The following FUT8 variants were observed in gnomAD, a reference collection of about 807,000 sequenced individuals.
FUT8 encodes fucosyltransferase 8.
FUT8 carries 29 observed loss-of-function variants against 71.3 expected under a neutral mutation model. The observed-to-expected ratio is 0.41, with a 90% CI of 0.30 to 0.55. FUT8 has a LOEUF of 0.55. Among genes scored for constraint, FUT8 ranks in the 20% least tolerant of loss-of-function variants. The pLI, the probability that FUT8 is intolerant of heterozygous loss-of-function variation, is 0.34. For missense variants in FUT8, 544 were observed against 702.1 expected, an observed-to-expected ratio of 0.77 and a Z score of 2.55; for synonymous variants, 254 against 239.3, an observed-to-expected ratio of 1.06 and a Z score of -0.57.
chr14:65,547,299 C>G (rs1161601330), intron 2 of FUT8, among the ~76,000 whole-genome samples: 3 of 151,562 alleles, frequency 2.0e-5, no homozygotes, highest in Admixed American at 6.6e-5. Flanking sequence ...CTTTCAAATA[C>G]TTTTATACCT....
the FUT8 span, among the ~76,000 whole-genome samples, chr14:65,387,478 A>G: frequency 1.3e-5 from 2 of 152,194 alleles, no homozygotes; most frequent in East Asian, 3.9e-4. Context: ...CTCAAGAGGA[A>G]GCCCCTGCAC....
chr14:65,387,858 A>G, the FUT8 span, among the ~76,000 whole-genome samples: 1 of 152,222 alleles, frequency 6.6e-6, no homozygotes, highest in African/African-American at 2.4e-5. Flanking sequence ...AATCAGGCCC[A>G]TGTTATTCCA....
In FUT8 at chr14:65,561,749, A is replaced by G; in HGVS notation, c.186A>G (p.Arg62=). The change falls in exon 3 of 11, where the codon CGA becomes CGG. Residue 62 remains arginine (R), a synonymous_variant. Coordinates refer to ENST00000673929, the MANE Select transcript of FUT8 (RefSeq NM_001371533.1). ...RLKQQNEDLR[R]MAESLRIPEG... The stretch of plus-strand genomic sequence containing the variant: ...AACAACAGAATGAAGACTTGAGGCG[A>G]ATGGCCGAATCTCTCCGGTAGGTCC... 2 of 1,613,050 alleles carry G rather than the reference A, an allele frequency of 1.2e-6. No homozygotes were observed. The highest frequency in any genetic ancestry group is 1.7e-6 in the Non-Finnish European group (2 of 1,179,270).
intron 7 of FUT8, among the ~76,000 whole-genome samples, chr14:65,701,135 A>C (rs991428580): frequency 3.9e-5 from 6 of 152,208 alleles, no homozygotes; most frequent in Non-Finnish European, 7.3e-5. Flanking sequence ...ATTTGTATTC[A>C]TGTTGTGATT....
At chr14:65,451,329 G>A (rs1024112465) in intron 1 of FUT8, among the ~76,000 whole-genome samples, 1 of 152,264 alleles carries the variant, frequency 6.6e-6, no homozygotes, top group Non-Finnish European at 1.5e-5. Context: ...GCATATGAGT[G>A]GGTGCCGGAA....
chr14:65,358,743 G>A, the FUT8 span, among the ~76,000 whole-genome samples: 164 of 152,240 alleles, frequency 1.1e-3, 1 homozygote, highest in Non-Finnish European at 1.8e-3. Context: ...GAGCTACCAT[G>A]CCCTGCATAA....
chr14:65,508,749 G>A (rs1375245008), intron 2 of FUT8, among the ~76,000 whole-genome samples: 7 of 151,872 alleles, frequency 4.6e-5, no homozygotes, highest in Admixed American at 6.6e-5. Context: ...TAATCCACCC[G>A]CTTCCGCCTC....
At chr14:65,424,915 T>C (rs1385557133) in intron 1 of FUT8, among the ~76,000 whole-genome samples, 3 of 152,032 alleles carry the variant, frequency 2.0e-5, no homozygotes, top group Admixed American at 1.3e-4. Context: ...CCTCCTGCCT[T>C]GACCTCCCAA....
the FUT8 span, among the ~76,000 whole-genome samples, chr14:65,405,158 G>A: frequency 2.0e-5 from 3 of 152,134 alleles, no homozygotes; most frequent in African/African-American, 7.2e-5. Context: ...GGAGAGAAGC[G>A]ATAAGAAGGG....
rs74352283 is a variant in FUT8 at position 65,420,765 on chromosome 14, C to T, written c.-326+7551C>T. Among the ~76,000 whole-genome samples, 754 of 152,206 alleles carry T rather than the reference C, an allele frequency of 5.0e-3. 8 individuals carry two copies. Among genetic ancestry groups the T allele is most frequent in the African/African-American group, 0.017 (718 of 41,544 alleles). ...ATGAAAATCCACATGTAACTTTTAT[C>T]TCCTCAAAAACTTAATTACTAATAA... On this transcript the variant is annotated intron_variant, in intron 1 of 10. Transcript: ENST00000673929.
chr14:65,357,126 A>G, the FUT8 span, among the ~76,000 whole-genome samples: 3 of 152,334 alleles, frequency 2.0e-5, no homozygotes, highest in South Asian at 2.1e-4. Context: ...TCTGTGATTC[A>G]GTGTTCTTAT....
At chr14:65,465,520 A>G (rs1348443254) in intron 2 of FUT8, among the ~76,000 whole-genome samples, 3 of 152,204 alleles carry the variant, frequency 2.0e-5, no homozygotes, top group African/African-American at 4.8e-5. Flanking sequence ...AAAATATTTT[A>G]TAATTTCTCA....
At chr14:65,734,992 C>G (rs1385706622) in intron 10 of FUT8, among the ~76,000 whole-genome samples, 2 of 152,122 alleles carry the variant, frequency 1.3e-5, no homozygotes, top group African/African-American at 4.8e-5. Context: ...TTGCCAGATG[C>G]CAGATGCCCC....
At chr14:65,577,733 GATCT>G (rs768128730) in intron 3 of FUT8, among the ~76,000 whole-genome samples, 3 of 152,058 alleles carry the variant, frequency 2.0e-5, no homozygotes, top group Non-Finnish European at 2.9e-5. Context: ...TTGGGTCTAG[GATCT>G]ACAATTGTAG....
upstream of FUT8, chr14:65,410,980 C>T (rs2065118063): frequency 6.6e-6 from 1 of 151,968 alleles, no homozygotes; most frequent in Non-Finnish European, 1.5e-5. Flanking sequence ...AGTAAATATC[C>T]ACCCCACCTC....
the FUT8 span, among the ~76,000 whole-genome samples, chr14:65,372,590 C>T: frequency 4.6e-5 from 7 of 151,744 alleles, no homozygotes; most frequent in African/African-American, 1.7e-4. Flanking sequence ...TAATTTTTTG[C>T]ATTTTTAGTA....
intron 1 of FUT8, among the ~76,000 whole-genome samples, chr14:65,418,716 TCTC>T (rs1157165923): frequency 6.6e-6 from 1 of 152,124 alleles, no homozygotes; most frequent in Non-Finnish European, 1.5e-5. Flanking sequence ...TCTACTTACT[TCTC>T]CTTGTTTGTC....
the FUT8 span, among the ~76,000 whole-genome samples, chr14:65,359,043 G>A: frequency 6.6e-6 from 1 of 151,988 alleles, no homozygotes; most frequent in African/African-American, 2.4e-5. Context: ...TTTTTCAGTT[G>A]CTCCCAAAAT....
At chr14:65,729,651 A>G (rs1895872460) in intron 9 of FUT8, among the ~76,000 whole-genome samples, 1 of 151,938 alleles carries the variant, frequency 6.6e-6, no homozygotes, top group African/African-American at 2.4e-5. Flanking sequence ...AGTAGCTGGG[A>G]CTACAGGCAC....
Sources: allele counts gnomAD v4.1 joint callset (sites outside exome capture counted in the v4.1 genomes callset), GRCh38; gene constraint gnomAD v4.1.1; transcripts MANE v1.5; gene names NCBI Gene and HGNC (gene_info 2026-07-23, HGNC 2026-07-21).